The following TRIM2 variants were observed in gnomAD, a reference collection of about 807,000 sequenced individuals.
TRIM2 encodes tripartite motif containing 2, also known as tripartite motif-containing protein 2.
A neutral mutation model predicts 75.2 loss-of-function variants in TRIM2; 20 were observed. The observed-to-expected ratio is 0.27, with a 90% CI of 0.19 to 0.39. The LOEUF (loss-of-function observed/expected upper bound fraction) is 0.39. Ranked by LOEUF, TRIM2 falls within the 10% of genes least tolerant of loss-of-function variation. The pLI is 1.00. For missense variants in TRIM2, 660 were observed against 990.8 expected (o/e 0.67, Z 4.48); for synonymous variants, 373 against 388.3 (o/e 0.96, Z 0.46).
chr4:153,238,468 T>C (rs1329650146), intron 1 of TRIM2, among the ~76,000 whole-genome samples: 1 of 152,142 alleles, frequency 6.6e-6, no homozygotes, highest in Non-Finnish European at 1.5e-5. Context: ...TGACCAAAAA[T>C]TGACTTCTAA....
In TRIM2 at chr4:153,295,331, G is replaced by A. The variant is rs1762560526; in HGVS notation, c.805G>A (p.Asp269Asn). The A allele has an allele frequency of 6.2e-7, 1 of 1,606,338 alleles. No individual in the cohort carries two copies. Among genetic ancestry groups the A allele is most frequent in the African/African-American group, 1.3e-5 (1 of 74,770 alleles). The change falls in exon 6 of 12, where the codon GAT becomes AAT. Residue 269 changes from aspartate (D) to asparagine (N), a missense_variant. By Grantham distance (23) the Asp-to-Asn change is conservative (BLOSUM62 1). Around this residue, in one of 2 missense-constraint regions of TRIM2, gnomAD observed 620 missense variants for 891.0 expected, o/e 0.70. Transcript: ENST00000338700. This position sits in a 1 kb window ranked among gnomAD's most constrained non-coding sequence, Gnocchi z 7.2. ...CCCGCAGGTCCTCCAGTCGCAGCTG[G>A]ATACTCTGCTCCAGGGGCAGGAGAG... ...LKHKVLQSQL[D>N]TLLQGQESIK...
chr4:153,333,340 T>C (rs1385013308), intron 11 of TRIM2, among the ~76,000 whole-genome samples: 1 of 152,178 alleles, frequency 6.6e-6, no homozygotes, highest in Non-Finnish European at 1.5e-5. Context: ...GGGGAGTAAG[T>C]AGCAAGAGGG....
chr4:153,297,143 C>T (rs1249387020), intron 6 of TRIM2, among the ~76,000 whole-genome samples: 2 of 152,180 alleles, frequency 1.3e-5, no homozygotes, highest in Non-Finnish European at 1.5e-5. Flanking sequence ...CTCTGTGGAA[C>T]GTTCTTGGGC....
At chr4:153,273,111 A>G (rs1757130714) in intron 2 of TRIM2, among the ~76,000 whole-genome samples, 1 of 151,974 alleles carries the variant, frequency 6.6e-6, no homozygotes, top group African/African-American at 2.4e-5. Flanking sequence ...AGCAGGGATT[A>G]CAGGCATGAG....
intron 6 of TRIM2, among the ~76,000 whole-genome samples, chr4:153,315,162 G>C (rs1422595015): frequency 1.4e-4 from 22 of 152,248 alleles, no homozygotes; most frequent in Non-Finnish European, 1.5e-5. Context: ...AGCCATGTCA[G>C]ATAAAGGCAG....
At position 153,322,734 on chromosome 4, in the gene TRIM2, G is replaced by A. The variant is rs138879605; in HGVS notation, c.1869G>A (p.Ala623=). The change falls in exon 9 of 12, where the codon GCG becomes GCA. Residue 623 remains alanine (A), a synonymous_variant. Transcript: ENST00000338700. ...ACATTATTGTTGTGGACAACAAGGC[G>A]TGCTGCGTGTTTATCTTCCAGCCAA... ...NGHIIVVDNK[A]CCVFIFQPNG... 40 of 1,614,116 alleles carry A rather than the reference G, an allele frequency of 2.5e-5. No homozygotes were observed. Among genetic ancestry groups the A allele is most frequent in the African/African-American group, 1.5e-4 (11 of 74,952 alleles).
At chr4:153,204,402 G>T, upstream of TRIM2, 1 of 1,055,416 alleles carries the variant, frequency 9.5e-7, no homozygotes, top group South Asian at 1.4e-5. Flanking sequence ...GGCTTGTGCT[G>T]ACTAGCTGTT....
intron 1 of TRIM2, among the ~76,000 whole-genome samples, chr4:153,235,864 C>T (rs1744898187): frequency 6.6e-6 from 1 of 152,132 alleles, no homozygotes; most frequent in South Asian, 2.1e-4. Context: ...CCTCCGGGAC[C>T]CTGCCAACAT....
intron 1 of TRIM2, among the ~76,000 whole-genome samples, chr4:153,205,628 A>G (rs564576302): frequency 3.9e-5 from 6 of 152,310 alleles, no homozygotes; most frequent in Admixed American, 3.3e-4. Context: ...GCCTGATAAA[A>G]TGAAAAGGTG....
chr4:153,296,778 G>A (rs186307862), intron 6 of TRIM2, among the ~76,000 whole-genome samples: 153 of 152,294 alleles, frequency 1.0e-3, no homozygotes, highest in African/African-American at 3.5e-3. Flanking sequence ...AAACAGCAAA[G>A]GGCTTGATGA....
At chr4:153,297,650 C>T (rs1166400198) in intron 6 of TRIM2, among the ~76,000 whole-genome samples, 2 of 152,126 alleles carry the variant, frequency 1.3e-5, no homozygotes, top group African/African-American at 4.8e-5. Flanking sequence ...AAACCTCCAT[C>T]CCCCACACCT....
intron 1 of TRIM2, among the ~76,000 whole-genome samples, chr4:153,245,363 G>T (rs188512901): frequency 6.6e-6 from 1 of 152,352 alleles, no homozygotes; most frequent in East Asian, 1.9e-4. Flanking sequence ...CAGACAGTGA[G>T]TTAGGGTATT....
chr4:153,161,553 C>T (rs1429001090), intron 1 of TRIM2, among the ~76,000 whole-genome samples: 1 of 152,202 alleles, frequency 6.6e-6, no homozygotes, highest in Non-Finnish European at 1.5e-5. Context: ...ATATACTCTG[C>T]ATATGACATG....
At chr4:153,201,776 G>A (rs917891225), upstream of TRIM2, among the ~76,000 whole-genome samples, 1 of 152,098 alleles carries the variant, frequency 6.6e-6, no homozygotes, top group African/African-American at 2.4e-5. Flanking sequence ...GCTGCTCATG[G>A]TGTCCTGAAG....
intron 2 of TRIM2, among the ~76,000 whole-genome samples, chr4:153,273,802 T>G (rs1757437023): frequency 6.6e-6 from 1 of 152,138 alleles, no homozygotes; most frequent in Non-Finnish European, 1.5e-5. Flanking sequence ...ATAGAGGAAT[T>G]TGCCCTAATC....
At chr4:153,269,871 A>T (rs556611206) in intron 1 of TRIM2, among the ~76,000 whole-genome samples, 1 of 152,160 alleles carries the variant, frequency 6.6e-6, no homozygotes, top group African/African-American at 2.4e-5. Flanking sequence ...GGGTTGGCTT[A>T]TTGGTCATTT....
chr4:153,273,727 C>G (rs1461017771), intron 2 of TRIM2, among the ~76,000 whole-genome samples: 1 of 152,166 alleles, frequency 6.6e-6, no homozygotes, highest in Non-Finnish European at 1.5e-5. Context: ...CCTAATTGCT[C>G]AGACTAATGT....
chr4:153,286,511 C>A (rs1226093355), intron 3 of TRIM2, among the ~76,000 whole-genome samples: 1 of 152,144 alleles, frequency 6.6e-6, no homozygotes, highest in African/African-American at 2.4e-5. Context: ...TTACATATTA[C>A]AGGTCTATTC....
chr4:153,268,186 T>G (rs1429974722), intron 1 of TRIM2, among the ~76,000 whole-genome samples: 1 of 152,212 alleles, frequency 6.6e-6, no homozygotes, highest in Non-Finnish European at 1.5e-5. Context: ...CAAGCACTGA[T>G]CTTTGGTTTT....
Sources: allele counts gnomAD v4.1 joint callset (sites outside exome capture counted in the v4.1 genomes callset), GRCh38; gene constraint gnomAD v4.1.1; regional missense constraint gnomAD v4.1.1; non-coding constraint Gnocchi (gnomAD v3.1); transcripts MANE v1.5; gene names NCBI Gene and HGNC (gene_info 2026-07-23, HGNC 2026-07-21).